Variants in LRP1B observed in about 807,000 individuals in gnomAD.
LRP1B encodes low-density lipoprotein receptor-related protein 1B.
A neutral mutation model predicts 556.6 loss-of-function variants in LRP1B; 217 were observed. The observed-to-expected ratio is 0.39, with a 90% CI of 0.35 to 0.44. LRP1B has a LOEUF of 0.44. Ranked by LOEUF, LRP1B falls within the 20% of genes least tolerant of loss-of-function variation. The probability of loss-of-function intolerance (pLI) is 1.00; values close to 1 mark genes in which losing one functional copy is unlikely to be tolerated. For synonymous variants in LRP1B, 2,047 were observed against 1,865.8 expected (o/e 1.10, Z -2.50); for missense variants, 5,053 against 5,620.8 (o/e 0.90, Z 3.23).
At chr2:141,897,837 G>T (rs573195424) in intron 1 of LRP1B, among the ~76,000 whole-genome samples, 1 of 151,992 alleles carries the variant, frequency 6.6e-6, no homozygotes, top group Admixed American at 6.6e-5. Context: ...CCCAAAACAC[G>T]GTTATAAATT....
chr2:140,690,662 T>G (rs1280586001), intron 41 of LRP1B, among the ~76,000 whole-genome samples: 1 of 152,180 alleles, frequency 6.6e-6, no homozygotes, highest in African/African-American at 2.4e-5. Flanking sequence ...TTTTTTTTCC[T>G]TTTCACTAAT....
chr2:140,669,850 C>T (rs899830317), intron 41 of LRP1B, among the ~76,000 whole-genome samples: 2 of 151,828 alleles, frequency 1.3e-5, no homozygotes, highest in Non-Finnish European at 2.9e-5. Flanking sequence ...TAGTGATAAT[C>T]GCACACATAT....
At chr2:141,760,563 C>T (rs1320869045) in intron 2 of LRP1B, among the ~76,000 whole-genome samples, 1 of 152,110 alleles carries the variant, frequency 6.6e-6, no homozygotes, top group Non-Finnish European at 1.5e-5. Flanking sequence ...ATATTTAGTG[C>T]AACTTATATA....
At chr2:141,602,754 C>T (rs1236234026) in intron 2 of LRP1B, among the ~76,000 whole-genome samples, 5 of 152,106 alleles carry the variant, frequency 3.3e-5, no homozygotes, top group African/African-American at 1.2e-4. Context: ...TATAAATAGT[C>T]CCACATGAAC....
chr2:140,730,035 C>T (rs147347351), intron 35 of LRP1B, among the ~76,000 whole-genome samples: 116 of 152,254 alleles, frequency 7.6e-4, no homozygotes, highest in Middle Eastern at 3.4e-3. Flanking sequence ...ATCCTTGATT[C>T]CTTCTTCGTC....
At chr2:141,493,980 T>C (rs1370751916) in intron 2 of LRP1B, among the ~76,000 whole-genome samples, 1 of 152,176 alleles carries the variant, frequency 6.6e-6, no homozygotes, top group African/African-American at 2.4e-5. Context: ...AACTGACCCT[T>C]ACCACAAAAC....
At chr2:141,749,181 A>G (rs1221066630) in intron 2 of LRP1B, among the ~76,000 whole-genome samples, 2 of 152,208 alleles carry the variant, frequency 1.3e-5, no homozygotes, top group Non-Finnish European at 1.5e-5. Flanking sequence ...ACAGATGGGA[A>G]ATTATCAAAA....
At chr2:140,615,519 C>T (rs745705732) in intron 41 of LRP1B, among the ~76,000 whole-genome samples, 62 of 152,202 alleles carry the variant, frequency 4.1e-4, no homozygotes, top group Non-Finnish European at 8.7e-4. Flanking sequence ...AAGAACCTGT[C>T]GGGCAATTAC....
At chr2:141,420,112 A>C (rs1318949918) in intron 3 of LRP1B, among the ~76,000 whole-genome samples, 1 of 152,186 alleles carries the variant, frequency 6.6e-6, no homozygotes, top group Non-Finnish European at 1.5e-5. Context: ...GTGGGGTATA[A>C]AAATGCCTTA....
intron 27 of LRP1B, among the ~76,000 whole-genome samples, chr2:140,856,052 C>T (rs984512816): frequency 6.6e-6 from 1 of 152,158 alleles, no homozygotes; most frequent in Non-Finnish European, 1.5e-5. Context: ...GGCTATGTAT[C>T]TGGTACATTG....
At chr2:140,493,647 G>GA (rs202051940) in intron 56 of LRP1B, among the ~76,000 whole-genome samples, 10,632 of 148,108 alleles carry the variant, frequency 0.072, 459 homozygotes, top group Non-Finnish European at 0.076. Flanking sequence ...ATAGAAATTA[G>GA]AAAAAAAAAC....
At chr2:140,539,836 T>C (rs1680068164) in intron 45 of LRP1B, among the ~76,000 whole-genome samples, 2 of 152,182 alleles carry the variant, frequency 1.3e-5, no homozygotes, top group Admixed American at 1.3e-4. Context: ...ATATGGAAAT[T>C]GGCCATCTGC....
At chr2:142,117,679 A>T (rs1270373802) in intron 1 of LRP1B, among the ~76,000 whole-genome samples, 1 of 152,006 alleles carries the variant, frequency 6.6e-6, no homozygotes, top group Non-Finnish European at 1.5e-5. Context: ...CTTTATCTTG[A>T]TAGGCAATAT....
At position 140,735,275 on chromosome 2, in the gene LRP1B, A is replaced by G. The variant is rs138560363; in HGVS notation, c.5759-18459T>C. Reference sequence around the variant, plus strand: ...GTCATGCCTTTGAAAAAGAAAAAGGAAACAATGCCTATAAAGACAGCAGAG... The same window carrying G: ...GTCATGCCTTTGAAAAAGAAAAAGGGAACAATGCCTATAAAGACAGCAGAG... On this transcript the variant is annotated intron_variant, in intron 35 of 90. Transcript: ENST00000389484. 9.7e-3 allele frequency among the ~76,000 whole-genome samples: 1,470 copies of G among 152,322 alleles called. 19 individuals carry two copies. Among genetic ancestry groups the G allele is most frequent in the Non-Finnish European group, 0.011 (752 of 68,032 alleles).
At chr2:141,768,023 G>A (rs1287740551) in intron 2 of LRP1B, among the ~76,000 whole-genome samples, 1 of 152,066 alleles carries the variant, frequency 6.6e-6, no homozygotes, top group Non-Finnish European at 1.5e-5. Context: ...ATAACTTTCT[G>A]ATCTTCTTGA....
Position 141,299,372 on chromosome 2 carries a change from G to A in LRP1B, c.344-44731C>T, listed in dbSNP as rs190444645. 5.7e-3 allele frequency among the ~76,000 whole-genome samples: 864 copies of A among 152,240 alleles called. 8 individuals carry two copies. Among genetic ancestry groups the A allele is most frequent in the African/African-American group, 0.018 (763 of 41,532 alleles). On this transcript the variant is annotated intron_variant, in intron 3 of 90. Coordinates refer to ENST00000389484, the MANE Select transcript of LRP1B (RefSeq NM_018557.3). ...TATATGTTAAGAATTTTTGATTGTT[G>A]TAATGGTAACATATCTAGGTACTAT...
At chr2:141,064,259 TG>T (rs1699420533) in intron 7 of LRP1B, among the ~76,000 whole-genome samples, 2 of 151,872 alleles carry the variant, frequency 1.3e-5, no homozygotes, top group Non-Finnish European at 2.9e-5. Context: ...ATTAAGAAAA[TG>T]TCACTGAATC....
intron 3 of LRP1B, among the ~76,000 whole-genome samples, chr2:141,428,977 G>A (rs1490986651): frequency 6.6e-6 from 1 of 152,036 alleles, no homozygotes; most frequent in Non-Finnish European, 1.5e-5. Context: ...CATAATCTCT[G>A]GGCTGATCAG....
intron 7 of LRP1B, among the ~76,000 whole-genome samples, chr2:141,139,171 T>C (rs1480400109): frequency 1.3e-5 from 2 of 151,834 alleles, no homozygotes; most frequent in Non-Finnish European, 3.0e-5. Context: ...ATTCATGCCT[T>C]ATACCATACA....
Sources: gnomAD v4.1 joint callset for allele counts (sites outside exome capture counted in the v4.1 genomes callset) on GRCh38, gnomAD v4.1.1 for gene constraint, MANE v1.5 for transcripts, NCBI Gene and HGNC (gene_info 2026-07-23, HGNC 2026-07-21) for gene names.